MAP7D2: variants seen among roughly 807,000 people sequenced by gnomAD.
MAP7D2 encodes MAP7 domain containing 2.
Under a neutral mutation model 63.5 loss-of-function variants are expected in MAP7D2, and 33 were observed. That is an observed-to-expected ratio of 0.52 (90% CI 0.39 to 0.70). MAP7D2 has a LOEUF of 0.70. MAP7D2 is among the 30% of genes least tolerant of loss of function. The pLI is 0.00. For synonymous variants in MAP7D2, 224 were observed against 223.7 expected, an observed-to-expected ratio of 1.00 and a Z score of -0.01; for missense variants, 626 against 604.0, an observed-to-expected ratio of 1.04 and a Z score of -0.38.
chrX:20,095,792 A>C (rs2066241522), intron 1 of MAP7D2, among the ~76,000 whole-genome samples: 1 of 111,806 alleles, frequency 8.9e-6, no homozygotes, highest in Admixed American at 9.5e-5. Context: ...CTTAAAAAGA[A>C]AAGAAGTCTG....
chrX:20,052,839 G>A, intron 5 of MAP7D2, 39 bp downstream of exon 5: 1 of 1,060,724 alleles, frequency 9.4e-7, no homozygotes, highest in Non-Finnish European at 1.3e-6. Context: ...CACCAGAAAA[G>A]AAACAAACTA....
intron 1 of MAP7D2, among the ~76,000 whole-genome samples, chrX:20,088,414 C>G (rs1314347104): frequency 9.7e-6 from 1 of 103,388 alleles, no homozygotes; most frequent in Admixed American, 1.1e-4. Context: ...ACTGGCTCAG[C>G]CTCCCTGGTA....
intron 1 of MAP7D2, among the ~76,000 whole-genome samples, chrX:20,112,416 G>A (rs941881108): frequency 9.8e-5 from 11 of 112,024 alleles, no homozygotes; most frequent in African/African-American, 3.6e-4. Flanking sequence ...AACAGAAAAA[G>A]TTCCTAGGCA....
chrX:20,044,279 C>T (rs905212055), intron 7 of MAP7D2, 85 bp downstream of exon 7: 14 of 961,780 alleles, frequency 1.5e-5, no homozygotes, highest in Non-Finnish European at 2.0e-5. Flanking sequence ...TGGAAACAGA[C>T]AGCCCAGGTC....
At chrX:20,070,378 C>T (rs1265453996) in intron 1 of MAP7D2, among the ~76,000 whole-genome samples, 2 of 110,575 alleles carry the variant, frequency 1.8e-5, no homozygotes, top group East Asian at 2.8e-4. Context: ...CTGCCTCAGC[C>T]TCCCAAAATG....
At chrX:20,107,791 G>A (rs923993911) in intron 1 of MAP7D2, among the ~76,000 whole-genome samples, 3 of 110,918 alleles carry the variant, frequency 2.7e-5, no homozygotes, top group East Asian at 2.8e-4. Flanking sequence ...TTTCCTAGAC[G>A]CCAGGCCCAG....
chrX:20,042,442 A>G lies in MAP7D2; in HGVS notation c.1007+60T>C, dbSNP rs757529924. ...AGGAGCTGCAACACTGGATGGCACA[A>G]AGCCCTAGCAAACTGACTCATGACA... is the stretch of plus-strand genomic sequence containing the variant. On this transcript the variant is annotated intron_variant, in intron 8 of 16. Transcript: ENST00000379643. The G allele has an allele frequency of 4.4e-5, 52 of 1,182,661 alleles. 1 individual carries two copies. The Admixed American group carries it at 9.5e-4, about 22-fold the overall frequency.
chrX:20,014,996 T>C (rs1045266330), intron 12 of MAP7D2, among the ~76,000 whole-genome samples: 12 of 111,715 alleles, frequency 1.1e-4, no homozygotes, highest in Non-Finnish European at 1.7e-4. Context: ...GGATTACAGG[T>C]GTGAGCCACC....
rs185247659 is a variant in MAP7D2 at position 20,078,934 on chromosome X, T to C, written c.131-14129A>G. On this transcript the variant is annotated intron_variant, in intron 1 of 16. Transcript: ENST00000379643. ...CCCCAAGCCTCCAGTGGGGGACCCA[T>C]TGGGTAGGCTAGGCCCCGAGAGTGT... Among the ~76,000 whole-genome samples, 244 of 109,482 alleles carry C rather than the reference T, an allele frequency of 2.2e-3. 1 individual carries two copies. The highest frequency in any genetic ancestry group is 3.3e-3 in the Non-Finnish European group (173 of 52,812).
intron 6 of MAP7D2, among the ~76,000 whole-genome samples, chrX:20,045,527 GAAAA>G (rs1170223479): frequency 5.6e-5 from 1 of 18,016 alleles, no homozygotes; most frequent in Non-Finnish European, 9.2e-5. Context: ...ACCCCATCTC[GAAAA>G]AAAAAAAAAA....
chrX:20,050,769 T>C, intron 6 of MAP7D2, 55 bp downstream of exon 6: 2 of 1,113,659 alleles, frequency 1.8e-6, no homozygotes, highest in Admixed American at 7.0e-5. Context: ...AATCCTAGGC[T>C]GACCAACACC....
chrX:20,073,963 C>G (rs1184861930), intron 1 of MAP7D2, among the ~76,000 whole-genome samples: 4 of 106,579 alleles, frequency 3.8e-5, no homozygotes, highest in African/African-American at 1.0e-4. Context: ...ATGGAGAAAC[C>G]CCATCTACTA....
chrX:20,016,170 C>G lies in MAP7D2; in HGVS notation c.1568G>C (p.Arg523Pro). The change falls in exon 11 of 17, where the codon CGG becomes CCG. Residue 523 changes from arginine (R) to proline (P), a missense_variant. Coordinates refer to ENST00000379643, the MANE Select transcript of MAP7D2 (RefSeq NM_001168465.2). ...CAACAACAGCTCCTCCTCAGCCTTC[C>G]GCTTGGCCTCCTCGCCTGCCTTTCT... is the stretch of plus-strand genomic sequence containing the variant. ...EKRKAGEEAK[R>P]KAEEELLLKE... is the part of the protein sequence containing the mutation. The G allele has an allele frequency of 2.5e-6, 3 of 1,198,340 alleles. No homozygotes were observed. The highest frequency in any genetic ancestry group is 3.4e-6 in the Non-Finnish European group (3 of 888,336).
intron 1 of MAP7D2, among the ~76,000 whole-genome samples, chrX:20,098,145 A>G (rs899694348): frequency 4.5e-5 from 5 of 111,488 alleles, no homozygotes; most frequent in African/African-American, 1.3e-4. Context: ...ACAGAGTACT[A>G]CCTCTGTGCA....
At chrX:20,054,226 G>A (rs1480980708) in intron 4 of MAP7D2, among the ~76,000 whole-genome samples, 1 of 112,018 alleles carries the variant, frequency 8.9e-6, no homozygotes, top group Non-Finnish European at 1.9e-5. Context: ...GAAATTATAT[G>A]AGTTTTAATA....
At chrX:20,012,578 C>G (rs1569513755) in intron 14 of MAP7D2, 43 bp from the exon 15 acceptor site, 5 of 1,027,581 alleles carry the variant, frequency 4.9e-6, no homozygotes, top group Non-Finnish European at 5.2e-6. Flanking sequence ...CATAAAATGT[C>G]TAAATAAAGT....
At chrX:20,029,254 G>C (rs930807491) in intron 8 of MAP7D2, among the ~76,000 whole-genome samples, 1 of 112,414 alleles carries the variant, frequency 8.9e-6, no homozygotes, top group Admixed American at 9.4e-5. Context: ...TGGACTGGGG[G>C]GAGTGGGTGG....
intron 10 of MAP7D2, among the ~76,000 whole-genome samples, 189 bp from the exon 11 acceptor site, chrX:20,016,514 G>A (rs1043845230): frequency 1.8e-5 from 2 of 112,258 alleles, no homozygotes; most frequent in Non-Finnish European, 3.8e-5. Flanking sequence ...TTACCAAAAA[G>A]TATTAACCAG....
chrX:20,058,487 C>T (rs1569095421), intron 3 of MAP7D2, among the ~76,000 whole-genome samples: 1 of 111,780 alleles, frequency 8.9e-6, no homozygotes, highest in Admixed American at 9.5e-5. Context: ...GTGAGCTTCA[C>T]TGAACCAGCC....
Sources: allele counts gnomAD v4.1 joint callset (sites outside exome capture counted in the v4.1 genomes callset), GRCh38; gene constraint gnomAD v4.1.1; transcripts MANE v1.5; gene names NCBI Gene and HGNC (gene_info 2026-07-23, HGNC 2026-07-21).